NAGLU: variants seen among roughly 807,000 people sequenced by gnomAD.
NAGLU encodes N-acetyl-alpha-glucosaminidase.
A neutral mutation model predicts 43.4 loss-of-function variants in NAGLU; 34 were observed. The observed-to-expected ratio is 0.78, with a 90% CI of 0.60 to 1.04. The LOEUF (loss-of-function observed/expected upper bound fraction) is 1.04, where lower values mean the gene tolerates loss of function less well. Among genes scored for constraint, NAGLU ranks in the 50% least tolerant of loss-of-function variants. The pLI, the probability that NAGLU is intolerant of heterozygous loss-of-function variation, is 0.00. For missense variants in NAGLU, 910 were observed against 993.7 expected, an observed-to-expected ratio of 0.92 and a Z score of 1.13; for synonymous variants, 425 against 437.6, an observed-to-expected ratio of 0.97 and a Z score of 0.36.
At chr17:42,539,840 C>T (rs1002240231) in intron 4 of NAGLU, among the ~76,000 whole-genome samples, 4 of 152,116 alleles carry the variant, frequency 2.6e-5, no homozygotes, top group African/African-American at 9.7e-5. Flanking sequence ...CTTGGACGGA[C>T]GCTTGGCTAA....
chr17:42,538,738 T>C lies in NAGLU; in HGVS notation c.747T>C (p.Val249=). The C allele has an allele frequency of 6.2e-7, 1 of 1,613,998 alleles. No homozygotes were observed. Among genetic ancestry groups the C allele is most frequent in the East Asian group, 2.2e-5 (1 of 44,886 alleles). The change falls in exon 4 of 6, where the codon GTT becomes GTC. Residue 249 remains valine, a synonymous_variant. Coordinates refer to ENST00000225927, the MANE Select transcript of NAGLU (RefSeq NM_000263.4). ...TGCTGCCTGCATTCGCGGGGCATGT[T>C]CCCGAGGCTGTCACCAGGTGAGGTT... The part of the protein sequence containing the change: ...TPVLPAFAGH[V]PEAVTRVFPQ...
intron 5 of NAGLU, 59 bp downstream of exon 5, chr17:42,541,265 A>G (rs779047693): frequency 6.2e-6 from 10 of 1,600,594 alleles, no homozygotes; most frequent in Non-Finnish European, 8.5e-6. Context: ...AGGGAGTAGC[A>G]GATGTCAGTA....
At chr17:42,539,884 C>T (rs1259436515) in intron 4 of NAGLU, among the ~76,000 whole-genome samples, 4 of 152,074 alleles carry the variant, frequency 2.6e-5, no homozygotes, top group Non-Finnish European at 5.9e-5. Context: ...GAGGCTGAGG[C>T]GTATGGATCA....
chr17:42,544,346 C>T lies in NAGLU; in HGVS notation c.*108C>T, dbSNP rs929961703. 20 of 1,530,660 alleles carry T rather than the reference C, an allele frequency of 1.3e-5. No homozygotes were observed. Among genetic ancestry groups the T allele is most frequent in the Admixed American group, 5.4e-5 (3 of 55,474 alleles). 94.8% of individuals were successfully genotyped at this position (1,530,660 alleles called of 1,614,324 possible). On this transcript the variant is annotated 3_prime_UTR_variant, in exon 6 of 6. Coordinates refer to ENST00000225927, the MANE Select transcript of NAGLU (RefSeq NM_000263.4). Reference sequence around the variant, plus strand: ...AACCCAGGCCTGGGAGGAGGCCCCACGGCCTGCTGGTGGGGTCTGACCTGG... The same window carrying T: ...AACCCAGGCCTGGGAGGAGGCCCCATGGCCTGCTGGTGGGGTCTGACCTGG...
Position 42,543,150 on chromosome 17 carries a change from G to A in NAGLU, c.1144G>A (p.Asp382Asn). 6.2e-7 allele frequency: 1 copy of A among 1,614,042 alleles called. No individual in the cohort carries two copies. Among genetic ancestry groups the A allele is most frequent in the Non-Finnish European group, 8.5e-7 (1 of 1,180,042 alleles). The change falls in exon 6 of 6, where the codon GAC (aspartate) becomes AAC (asparagine). Residue 382 changes from aspartate (D) to asparagine (N), a missense_variant. Transcript: ENST00000225927. The stretch of plus-strand genomic sequence containing the variant: ...GCCCCGTGGCCGCCTCCTGGTTCTG[G>A]ACCTGTTTGCTGAGAGCCAGCCTGT... ...AVPRGRLLVL[D>N]LFAESQPVYT...
chr17:42,536,563 T>G lies in NAGLU; in HGVS notation c.291T>G (p.Cys97Trp), dbSNP rs2092906798. ...AGLHRYLRDF[C>W]GCHVAWSGSQ... Reference sequence around the variant, plus strand: ...TGCACCGCTACCTGCGCGACTTCTGTGGCTGCCACGTGGCCTGGTCCGGCT... The same window carrying G: ...TGCACCGCTACCTGCGCGACTTCTGGGGCTGCCACGTGGCCTGGTCCGGCT... The change falls in exon 1 of 6, where the codon TGT (cysteine) becomes TGG (tryptophan). Residue 97 changes from cysteine to tryptophan, a missense_variant. Transcript: ENST00000225927. 1 of 1,479,678 alleles carries G rather than the reference T, an allele frequency of 6.8e-7. No individual in the cohort carries two copies. Among genetic ancestry groups the G allele is most frequent in the South Asian group, 1.3e-5 (1 of 77,702 alleles). 91.7% of individuals were successfully genotyped at this position (1,479,678 alleles called of 1,614,324 possible).
At position 42,541,276 on chromosome 17, in the gene NAGLU, G is replaced by A. The variant is rs371050896; in HGVS notation, c.1021+70G>A. On this transcript the variant is annotated intron_variant, in intron 5 of 5. Transcript: ENST00000225927. ...AAGAAGGGAGTAGCAGATGTCAGTA[G>A]GGGTAGGCAGAGGGACTGGAATAAT... The A allele has an allele frequency of 4.4e-6, 7 of 1,593,812 alleles. No homozygotes were observed. In the African/African-American group the frequency reaches 6.7e-5, roughly 15 times the overall value.
chr17:42,536,498 C>T lies in NAGLU; in HGVS notation c.226C>T (p.Arg76Trp). 1.6e-6 allele frequency: 2 copies of T among 1,232,996 alleles called. No homozygotes were observed. Among genetic ancestry groups the T allele is most frequent in the East Asian group, 3.4e-5 (1 of 29,340 alleles). The allele number at this position is 1,232,996 out of a possible 1,614,324, so 76.4% of individuals were successfully genotyped here. Residue 76 changes from arginine to tryptophan, a missense_variant, in exon 1 of 6, where the codon CGG becomes TGG. Coordinates refer to ENST00000225927, the MANE Select transcript of NAGLU (RefSeq NM_000263.4). ...SLGGGGAARV[R>W]VRGSTGVAAA... ...GGGCGGCGGCGGCGCGGCGCGCGTG[C>T]GGGTGCGCGGCTCCACGGGCGTGGC...
intron 1 of NAGLU, 51 bp downstream of exon 1, chr17:42,536,706 G>C: frequency 7.3e-7 from 1 of 1,376,818 alleles, no homozygotes; most frequent in Admixed American, 3.2e-5. Context: ...ACCCCCTCCC[G>C]GAGCCGCTGC....
chr17:42,537,553 C>T lies in NAGLU; in HGVS notation c.531+8C>T. On this transcript the variant is annotated splice_region_variant and intron_variant, in intron 2 of 5. Coordinates refer to ENST00000225927, the MANE Select transcript of NAGLU (RefSeq NM_000263.4). Reference sequence around the variant, plus strand: ...GAGGCCATCTGGCAGCGGGTGCGTGCCCACTGTCCCTTCCCCACCCTCCTC... The same window carrying T: ...GAGGCCATCTGGCAGCGGGTGCGTGTCCACTGTCCCTTCCCCACCCTCCTC... 6.2e-7 allele frequency: 1 copy of T among 1,613,330 alleles called. No homozygotes were observed. The highest frequency in any genetic ancestry group is 8.5e-7 in the Non-Finnish European group (1 of 1,179,954).
intron 1 of NAGLU, chr17:42,537,138 G>A (rs2092908573): frequency 1.9e-6 from 1 of 519,620 alleles, no homozygotes; most frequent in Non-Finnish European, 3.5e-6. Flanking sequence ...GAGGGGCTCT[G>A]GCAGTGTGGC....
In NAGLU at chr17:42,537,380, T is replaced by A; in HGVS notation, c.384-18T>A. 1.2e-6 allele frequency: 2 copies of A among 1,613,990 alleles called. No individual in the cohort carries two copies. The highest frequency in any genetic ancestry group is 1.7e-6 in the Non-Finnish European group (2 of 1,179,874). Reference sequence around the variant, plus strand: ...CCTCCAGGGTGGGATGCGCCCCTGCTCATGACACTGCCCGCAGGTACCGCT... The same window carrying A: ...CCTCCAGGGTGGGATGCGCCCCTGCACATGACACTGCCCGCAGGTACCGCT... On this transcript the variant is annotated intron_variant, in intron 1 of 5. Transcript: ENST00000225927.
In NAGLU at chr17:42,536,396, C is replaced by T; in HGVS notation, c.124C>T (p.Pro42Ser). The change falls in exon 1 of 6, where the codon CCA becomes TCA. Residue 42 changes from proline (P) to serine (S), a missense_variant. Pro to Ser is a moderately conservative substitution (Grantham distance 74). Coordinates refer to ENST00000225927, the MANE Select transcript of NAGLU (RefSeq NM_000263.4). ...VRALVARLLGPGPAADFSVSV... is the reference protein window; with the variant it reads ...VRALVARLLGSGPAADFSVSV... ...GGCGCTCGTGGCCCGGCTGCTGGGG[C>T]CAGGCCCCGCGGCCGACTTCTCCGT... 8.2e-7 allele frequency: 1 copy of T among 1,226,836 alleles called. No individual in the cohort carries two copies. The allele number at this position is 1,226,836 out of a possible 1,614,324, so 76.0% of individuals were successfully genotyped here. A position where few individuals can be genotyped will look rare whatever the true frequency, so the allele number is the denominator to read the frequency against.
chr17:42,542,061 C>T (rs999332748), intron 5 of NAGLU, among the ~76,000 whole-genome samples: 3 of 151,254 alleles, frequency 2.0e-5, no homozygotes, highest in African/African-American at 4.9e-5. Context: ...CCACCACGCC[C>T]GGCAATTTTT....
chr17:42,543,866 C>T lies in NAGLU; in HGVS notation c.1860C>T (p.Ser620=), dbSNP rs151013014. The change falls in exon 6 of 6, where the codon AGC becomes AGT. Residue 620 remains serine (S), a synonymous_variant. Coordinates refer to ENST00000225927, the MANE Select transcript of NAGLU (RefSeq NM_000263.4). ...LASDSRFLLG[S]WLEQARAAAV... ...GTGACAGCCGCTTCTTGCTGGGCAG[C>T]TGGCTAGAGCAGGCCCGAGCAGCGG... 4,851 of 1,603,066 alleles carry T rather than the reference C, an allele frequency of 3.0e-3. 13 individuals are homozygous for T. Among genetic ancestry groups the T allele is most frequent in the Non-Finnish European group, 3.8e-3 (4,519 of 1,175,218 alleles).
intron 4 of NAGLU, among the ~76,000 whole-genome samples, chr17:42,539,747 A>G (rs1312654811): frequency 1.3e-5 from 2 of 152,184 alleles, no homozygotes; most frequent in Non-Finnish European, 2.9e-5. Context: ...GGACAGGAAT[A>G]TATGTGGGTT....
At chr17:42,539,516 C>T (rs1567891679) in intron 4 of NAGLU, among the ~76,000 whole-genome samples, 2 of 152,264 alleles carry the variant, frequency 1.3e-5, no homozygotes, top group Admixed American at 1.3e-4. Context: ...GGCTCCCATA[C>T]TCTCGTAGGA....
chr17:42,538,744 G>A lies in NAGLU; in HGVS notation c.753G>A (p.Glu251=), dbSNP rs367604063. 11 of 1,613,968 alleles carry A rather than the reference G, an allele frequency of 6.8e-6. No individual in the cohort carries two copies. The highest frequency in any genetic ancestry group is 6.7e-5 in the East Asian group (3 of 44,886). Residue 251 remains glutamate (E), a synonymous_variant, in exon 4 of 6, where the codon GAG becomes GAA. Coordinates refer to ENST00000225927, the MANE Select transcript of NAGLU (RefSeq NM_000263.4). ...CTGCATTCGCGGGGCATGTTCCCGA[G>A]GCTGTCACCAGGTGAGGTTCCGCTC... ...VLPAFAGHVP[E]AVTRVFPQVN...
At position 42,543,202 on chromosome 17, in the gene NAGLU, G is replaced by T. The variant is rs764610727; in HGVS notation, c.1196G>T (p.Gly399Val). 6.2e-7 allele frequency: 1 copy of T among 1,614,202 alleles called. No homozygotes were observed. Among genetic ancestry groups the T allele is most frequent in the Non-Finnish European group, 8.5e-7 (1 of 1,180,048 alleles). Residue 399 changes from glycine to valine, a missense_variant, in exon 6 of 6, where the codon GGC (glycine) becomes GTC (valine). Transcript: ENST00000225927. Reference sequence around the variant, plus strand: ...TATACCCGCACTGCCTCCTTCCAGGGCCAGCCCTTCATCTGGTGCATGCTG... The same window carrying T: ...TATACCCGCACTGCCTCCTTCCAGGTCCAGCCCTTCATCTGGTGCATGCTG... ...PVYTRTASFQ[G>V]QPFIWCMLHN...
Sources: gnomAD v4.1 joint callset for allele counts (sites outside exome capture counted in the v4.1 genomes callset) on GRCh38, gnomAD v4.1.1 for gene constraint, MANE v1.5 for transcripts, NCBI Gene and HGNC (gene_info 2026-07-23, HGNC 2026-07-21) for gene names.